KIRREL3: variants seen among roughly 807,000 people sequenced by gnomAD.
KIRREL3 encodes kirre like nephrin family adhesion molecule 3.
Under a neutral mutation model 89.7 loss-of-function variants are expected in KIRREL3, and 36 were observed. The observed-to-expected ratio is 0.40, with a 90% CI of 0.31 to 0.53. The LOEUF (loss-of-function observed/expected upper bound fraction) is 0.53, where lower values mean the gene tolerates loss of function less well. Ranked by LOEUF, KIRREL3 falls within the 20% of genes least tolerant of loss-of-function variation. The probability of loss-of-function intolerance (pLI) is 0.49; values close to 1 mark genes in which losing one functional copy is unlikely to be tolerated. For synonymous variants in KIRREL3, 445 were observed against 441.4 expected (o/e 1.01, Z -0.10); for missense variants, 864 against 1,056.6 (o/e 0.82, Z 2.53).
At chr11:126,975,663 A>C (rs1219164973) in intron 1 of KIRREL3, among the ~76,000 whole-genome samples, 1 of 152,088 alleles carries the variant, frequency 6.6e-6, no homozygotes, top group African/African-American at 2.4e-5. Flanking sequence ...ATGGTAGTTC[A>C]ATTGCAATTT....
At chr11:126,714,701 G>T (rs1705094854) in intron 1 of KIRREL3, among the ~76,000 whole-genome samples, 1 of 152,138 alleles carries the variant, frequency 6.6e-6, no homozygotes, top group Admixed American at 6.5e-5. Flanking sequence ...ACATGATGAT[G>T]AATCCTTTAC....
intron 1 of KIRREL3, among the ~76,000 whole-genome samples, chr11:126,859,225 G>T (rs1944631654): frequency 6.6e-6 from 1 of 152,206 alleles, no homozygotes; most frequent in Admixed American, 6.5e-5. Context: ...GGGGTGAAAA[G>T]TGGTAATGAT....
intron 1 of KIRREL3, among the ~76,000 whole-genome samples, chr11:126,785,838 C>A (rs1183044873): frequency 2.3e-5 from 3 of 128,088 alleles, no homozygotes; most frequent in Admixed American, 9.5e-5. Flanking sequence ...TGTGCCACTG[C>A]ACTCCAGCCT....
chr11:126,526,527 G>A lies in KIRREL3; in HGVS notation c.283+11C>T, dbSNP rs750741200. On this transcript the variant is annotated intron_variant, in intron 3 of 16. Coordinates refer to ENST00000525144, the MANE Select transcript of KIRREL3 (RefSeq NM_032531.4). The surrounding 1 kb of genome is among the most constrained non-coding windows in gnomAD (Gnocchi z 5.7). ...CCCCAGGCCCACCCCAGGAGGTCTG[G>A]AGGTACTCACTTGAGAGGTCCCTGC... 6.2e-7 allele frequency: 1 copy of A among 1,609,842 alleles called. No individual in the cohort carries two copies. Among genetic ancestry groups the A allele is most frequent in the South Asian group, 1.1e-5 (1 of 90,464 alleles).
rs1004645896 is a variant in KIRREL3, at chr11:126,742,026, T to C, written c.56-179114A>G. On this transcript the variant is annotated intron_variant, in intron 1 of 16. Transcript: ENST00000525144. The surrounding 1 kb of genome is among the most constrained non-coding windows in gnomAD (Gnocchi z 5.3). ...TACCAGGAGGTTGAATGGAGGACGC[T>C]TGTGCTAAGAAGGGAGAACTATTTA... 6.6e-6 allele frequency among the ~76,000 whole-genome samples: 1 copy of C among 152,234 alleles called. No individual in the cohort carries two copies. Among genetic ancestry groups the C allele is most frequent in the Non-Finnish European group, 1.5e-5 (1 of 68,038 alleles).
rs1373168003 is a variant in KIRREL3 at position 126,896,246 on chromosome 11, A to G, written c.55+104209T>C. On this transcript the variant is annotated intron_variant, in intron 1 of 16. Coordinates refer to ENST00000525144, the MANE Select transcript of KIRREL3 (RefSeq NM_032531.4). This position sits in a 1 kb window ranked among gnomAD's most constrained non-coding sequence, Gnocchi z 4.1. ...CTCTAATCCACTGCTAGGCAGTAGG[A>G]TACCTAAGAAACTAACCCTATACCA... 6.6e-6 allele frequency among the ~76,000 whole-genome samples: 1 copy of G among 152,250 alleles called. No homozygotes were observed. The highest frequency in any genetic ancestry group is 1.5e-5 in the Non-Finnish European group (1 of 68,040).
Position 126,912,333 on chromosome 11 carries a change from C to T in KIRREL3, c.55+88122G>A, listed in dbSNP as rs1233887159. ...CCCACATGTGCCCTGGGCTGGTCCT[C>T]CCTCAGCTCCCTCTCCTGTCTTCAC... On this transcript the variant is annotated intron_variant, in intron 1 of 16. Coordinates refer to ENST00000525144, the MANE Select transcript of KIRREL3 (RefSeq NM_032531.4). The surrounding 1 kb of genome is among the most constrained non-coding windows in gnomAD (Gnocchi z 4.7). 6.6e-6 allele frequency among the ~76,000 whole-genome samples: 1 copy of T among 152,168 alleles called. No individual in the cohort carries two copies. Among genetic ancestry groups the T allele is most frequent in the African/African-American group, 2.4e-5 (1 of 41,428 alleles).
At chr11:126,886,141 G>A (rs1368095698) in intron 1 of KIRREL3, among the ~76,000 whole-genome samples, 1 of 152,118 alleles carries the variant, frequency 6.6e-6, no homozygotes, top group African/African-American at 2.4e-5. Flanking sequence ...AAGTGGTTTT[G>A]ACCCACGAAT....
At position 126,686,225 on chromosome 11, in the gene KIRREL3, G is replaced by A. The variant is rs922800727; in HGVS notation, c.56-123313C>T. ...GCAGGGGCTTTCTCACGTGTGGCGC[G>A]GGTGTGGAGGCAGGTCTCCATGGAT... On this transcript the variant is annotated intron_variant, in intron 1 of 16. Coordinates refer to ENST00000525144, the MANE Select transcript of KIRREL3 (RefSeq NM_032531.4). The surrounding 1 kb of genome is among the most constrained non-coding windows in gnomAD (Gnocchi z 4.7). 3.3e-5 allele frequency among the ~76,000 whole-genome samples: 5 copies of A among 152,300 alleles called. No homozygotes were observed. The highest frequency in any genetic ancestry group is 1.3e-4 in the Admixed American group (2 of 15,306).
At chr11:126,894,882 G>A (rs569059752) in intron 1 of KIRREL3, among the ~76,000 whole-genome samples, 145 of 152,146 alleles carry the variant, frequency 9.5e-4, no homozygotes, top group Non-Finnish European at 1.8e-3. Flanking sequence ...TGAGCTCTGA[G>A]GGATGACCAG....
rs989399880 is a variant in KIRREL3 at position 126,710,460 on chromosome 11, AC to A, written c.56-147549del. Among the ~76,000 whole-genome samples the A allele has an allele frequency of 5.3e-5, 8 of 152,130 alleles. No homozygotes were observed. The highest frequency in any genetic ancestry group is 1.9e-4 in the African/African-American group (8 of 41,424). On this transcript the variant is annotated intron_variant, in intron 1 of 16. Coordinates refer to ENST00000525144, the MANE Select transcript of KIRREL3 (RefSeq NM_032531.4). This position sits in a 1 kb window ranked among gnomAD's most constrained non-coding sequence, Gnocchi z 4.2. ...ACGACTGTTCAATAGCATTCAAGTA[AC>A]CCTTCATGGCATGCCGAGATTCCTA...
chr11:126,858,734 G>A (rs1029267613), intron 1 of KIRREL3, among the ~76,000 whole-genome samples: 1 of 152,208 alleles, frequency 6.6e-6, no homozygotes, highest in Non-Finnish European at 1.5e-5. Flanking sequence ...AAACAGTTCT[G>A]TGCAGAGACA....
rs1237680270 is a variant in KIRREL3, at chr11:126,576,996, G to A, written c.56-14084C>T. On this transcript the variant is annotated intron_variant, in intron 1 of 16. Coordinates refer to ENST00000525144, the MANE Select transcript of KIRREL3 (RefSeq NM_032531.4). The surrounding 1 kb of genome is among the most constrained non-coding windows in gnomAD (Gnocchi z 5.4). ...AAAACTGAGGCTGAGAGAGGCTCAA[G>A]GGCTCCCATAACTGAAGACCCGTGC... is the stretch of plus-strand genomic sequence containing the variant. Among the ~76,000 whole-genome samples, 1 of 152,180 alleles carries A rather than the reference G, an allele frequency of 6.6e-6. No homozygotes were observed. Among genetic ancestry groups the A allele is most frequent in the Non-Finnish European group, 1.5e-5 (1 of 68,036 alleles).
chr11:126,737,332 C>T (rs1948835985), intron 1 of KIRREL3, among the ~76,000 whole-genome samples: 1 of 152,054 alleles, frequency 6.6e-6, no homozygotes, highest in Admixed American at 6.6e-5. Flanking sequence ...AGCTCCAAAG[C>T]ACAGAGACGG....
Position 126,508,892 on chromosome 11 carries a change from C to A in KIRREL3, c.433+12423G>T, listed in dbSNP as rs749515639. ...CTGTCATAGAGTGGCAGCTCACCAG[C>A]GTCACCCTTGCCCTTCTCTCTTCTC... On this transcript the variant is annotated intron_variant, in intron 4 of 16. Coordinates refer to ENST00000525144, the MANE Select transcript of KIRREL3 (RefSeq NM_032531.4). This position sits in a 1 kb window ranked among gnomAD's most constrained non-coding sequence, Gnocchi z 4.9. 2.0e-5 allele frequency among the ~76,000 whole-genome samples: 3 copies of A among 152,120 alleles called. No individual in the cohort carries two copies. The highest frequency in any genetic ancestry group is 2.9e-5 in the Non-Finnish European group (2 of 68,024).
intron 1 of KIRREL3, among the ~76,000 whole-genome samples, chr11:126,967,589 T>A (rs1949308229): frequency 6.6e-6 from 1 of 151,954 alleles, no homozygotes; most frequent in African/African-American, 2.4e-5. Flanking sequence ...TACATCCATC[T>A]CAGAGACAAA....
At chr11:126,731,697 C>T (rs1032775425) in intron 1 of KIRREL3, among the ~76,000 whole-genome samples, 1 of 152,212 alleles carries the variant, frequency 6.6e-6, no homozygotes, top group Non-Finnish European at 1.5e-5. Flanking sequence ...GACCTGATGG[C>T]TCTAAGTAGG....
At position 126,883,693 on chromosome 11, in the gene KIRREL3, G is replaced by A. The variant is rs568534576; in HGVS notation, c.55+116762C>T. Among the ~76,000 whole-genome samples, 52 of 152,166 alleles carry A rather than the reference G, an allele frequency of 3.4e-4. No homozygotes were observed. Among genetic ancestry groups the A allele is most frequent in the Admixed American group, 8.5e-4 (13 of 15,288 alleles). ...ACTTTTTCCATTCCCACTTCACACT[G>A]TGAGGATCTCCTGGACAAGCATTAG... is the stretch of plus-strand genomic sequence containing the variant. On this transcript the variant is annotated intron_variant, in intron 1 of 16. Transcript: ENST00000525144. The surrounding 1 kb of genome is among the most constrained non-coding windows in gnomAD (Gnocchi z 4.1).
At chr11:126,598,215 C>T (rs1286307958) in intron 1 of KIRREL3, among the ~76,000 whole-genome samples, 1 of 152,192 alleles carries the variant, frequency 6.6e-6, no homozygotes, top group African/African-American at 2.4e-5. Context: ...ACATTTTGTT[C>T]ATGTTTGCAA....
Sources: gnomAD v4.1 joint callset for allele counts (sites outside exome capture counted in the v4.1 genomes callset) on GRCh38, gnomAD v4.1.1 for gene constraint, Gnocchi (gnomAD v3.1) non-coding constraint, MANE v1.5 for transcripts, NCBI Gene and HGNC (gene_info 2026-07-23, HGNC 2026-07-21) for gene names.